The following SPTBN5 variants were observed in gnomAD, a reference collection of about 807,000 sequenced individuals.
SPTBN5 encodes spectrin beta, non-erythrocytic 5.
Under a neutral mutation model 477.6 loss-of-function variants are expected in SPTBN5, and 513 were observed. The ratio of observed to expected loss-of-function variants is 1.07; its 90% confidence interval spans 1.00 to 1.16. The LOEUF is 1.16. SPTBN5 is among the 50% of genes most tolerant of loss of function. The probability of loss-of-function intolerance (pLI) is 0.00; values close to 1 mark genes in which losing one functional copy is unlikely to be tolerated. For synonymous variants in SPTBN5, 2,169 were observed against 2,011.7 expected, an observed-to-expected ratio of 1.08 and a Z score of -2.09; for missense variants, 5,062 against 4,731.8, an observed-to-expected ratio of 1.07 and a Z score of -2.05.
At position 41,853,388 on chromosome 15, in the gene SPTBN5, G is replaced by A. The variant is rs112040796; in HGVS notation, c.10040C>T (p.Ala3347Val). 7,117 of 1,608,372 alleles carry A rather than the reference G, an allele frequency of 4.4e-3. 27 individuals are homozygous for A. Among genetic ancestry groups the A allele is most frequent in the Non-Finnish European group, 5.6e-3 (6,628 of 1,176,432 alleles). ...CTGCCCAAGGAGCTGCTCAGCCCCC[G>A]CCACGTCCTCAGCCAGCTCCTCGGA... Reference protein sequence around the residue: ...ASSEELAEDVAGAEQLLGQHE... With the variant: ...ASSEELAEDVVGAEQLLGQHE... The change falls in exon 59 of 68, where the codon GCG (alanine) becomes GTG (valine). Residue 3347 changes from alanine (A) to valine (V), a missense_variant. Transcript: ENST00000320955.
intron 49 of SPTBN5, 131 bp downstream of exon 49, chr15:41,858,471 C>T (rs898185896): frequency 2.5e-6 from 3 of 1,190,886 alleles, no homozygotes; most frequent in African/African-American, 3.1e-5. Context: ...ACCGCTTAGC[C>T]AGGTGCCTGC....
At chr15:41,867,824 C>T (rs1381973420) in intron 34 of SPTBN5, among the ~76,000 whole-genome samples, 182 bp from the exon 35 acceptor site, 2 of 152,228 alleles carry the variant, frequency 1.3e-5, no homozygotes, top group Non-Finnish European at 2.9e-5. Context: ...ACCTCTGCAC[C>T]ATGTGGGGAG....
In SPTBN5 at chr15:41,854,787, T is replaced by C. The variant is rs762571846; in HGVS notation, c.9613A>G (p.Thr3205Ala). Residue 3205 changes from threonine (T) to alanine (A), a missense_variant, in exon 56 of 68, where the codon ACA becomes GCA. Physicochemically the swap from Thr to Ala is moderately conservative, Grantham distance 58 (BLOSUM62 0). Transcript: ENST00000320955. The stretch of plus-strand genomic sequence containing the variant: ...CCCGGCCTGTGATCACCTACCTCTG[T>C]GCGGGCTTTTATTGCTTGGTCCAAC... ...ERLDQAIKAR[T>A]ENLAAAHEVH... The C allele has an allele frequency of 3.9e-6, 6 of 1,538,610 alleles. No individual in the cohort carries two copies. The highest frequency in any genetic ancestry group is 5.3e-6 in the Non-Finnish European group (6 of 1,141,814).
intron 12 of SPTBN5, 135 bp from the exon 13 acceptor site, chr15:41,881,369 C>G: frequency 1.4e-6 from 1 of 697,964 alleles, no homozygotes; most frequent in South Asian, 2.0e-5. Context: ...GGACATGGGT[C>G]TGGGGGACAG....
chr15:41,893,832 A>G, intron 1 of SPTBN5, 67 bp downstream of exon 1: 1 of 409,918 alleles, frequency 2.4e-6, no homozygotes, highest in Non-Finnish European at 4.5e-6. Context: ...TACCTTGGTG[A>G]TGCCTGGGTC....
rs1418230296 is a variant in SPTBN5 at position 41,852,620 on chromosome 15, G to A, written c.10449+14C>T. The A allele has an allele frequency of 8.7e-6, 14 of 1,612,516 alleles. No individual in the cohort carries two copies. The highest frequency in any genetic ancestry group is 2.2e-5 in the East Asian group (1 of 44,882). The stretch of plus-strand genomic sequence containing the variant: ...CCCCACCAGCCCTCAGCCCCTAGCC[G>A]AGGCAGTCGTCACCTCTGTCTTTTG... On this transcript the variant is annotated intron_variant, in intron 61 of 67. Transcript: ENST00000320955.
chr15:41,852,780 G>GA, intron 60 of SPTBN5, 44 bp downstream of exon 60: 1 of 1,472,618 alleles, frequency 6.8e-7, no homozygotes. Context: ...GGGGGGGGGG[G>GA]CCCAGAGCCT....
At chr15:41,882,530 C>T (rs1344205324) in intron 10 of SPTBN5, 55 bp downstream of exon 10, 2 of 1,584,898 alleles carry the variant, frequency 1.3e-6, no homozygotes, top group African/African-American at 1.3e-5. Context: ...GCCGGGGGCC[C>T]GAGAGGGAAG....
chr15:41,849,892 A>G lies in SPTBN5; in HGVS notation c.10989T>C (p.Asp3663=), dbSNP rs773148999. ...VSSLNECTTK[D]ARPGCLLRSD... ...ACCTGAGTAGACATCCAGGCCGGGC[A>G]TCCTTGGTCGTGCACTCATTCAGAG... Residue 3663 remains aspartate, a synonymous_variant, in exon 67 of 68, where the codon GAT becomes GAC. Coordinates refer to ENST00000320955, the MANE Select transcript of SPTBN5 (RefSeq NM_016642.4). 3.8e-6 allele frequency: 6 copies of G among 1,588,200 alleles called. No individual in the cohort carries two copies. Among genetic ancestry groups the G allele is most frequent in the African/African-American group, 1.3e-5 (1 of 74,442 alleles).
Position 41,867,527 on chromosome 15 carries a change from G to T in SPTBN5, c.6312+11C>A. 1 of 1,612,746 alleles carries T rather than the reference G, an allele frequency of 6.2e-7. No homozygotes were observed. ...CACTCTGACCACGCCCAGGCCTCCT[G>T]ACTCCATTACCTTCTTGTCCTGGGC... On this transcript the variant is annotated intron_variant, in intron 35 of 67. Transcript: ENST00000320955.
rs1171872264 is a variant in SPTBN5, at chr15:41,854,097, T to A, written c.9727A>T (p.Ser3243Cys). The A allele has an allele frequency of 3.8e-6, 6 of 1,583,102 alleles. No homozygotes were observed. The highest frequency in any genetic ancestry group is 4.3e-6 in the Non-Finnish European group (5 of 1,166,028). Residue 3243 changes from serine to cysteine, a missense_variant, in exon 57 of 68, where the codon AGC becomes TGC. By Grantham distance (112) the Ser-to-Cys change is moderately radical (BLOSUM62 -1). Transcript: ENST00000320955. ...ALMKGEDGGHSLSSVRTLQQQ... is the reference protein window; with the variant it reads ...ALMKGEDGGHCLSSVRTLQQQ... Reference sequence around the variant, plus strand: ...TGCAGGGTCCGCACAGATGACAGGCTGTGGCCTCCGTCCTCCCCCTTCATC... The same window carrying A: ...TGCAGGGTCCGCACAGATGACAGGCAGTGGCCTCCGTCCTCCCCCTTCATC...
At position 41,893,422 on chromosome 15, in the gene SPTBN5, G is replaced by A; in HGVS notation, c.76C>T (p.Leu26Phe). 6.2e-7 allele frequency: 1 copy of A among 1,613,014 alleles called. No individual in the cohort carries two copies. Among genetic ancestry groups the A allele is most frequent in the Non-Finnish European group, 8.5e-7 (1 of 1,179,802 alleles). The change falls in exon 2 of 68, where the codon CTC becomes TTC. Residue 26 changes from leucine to phenylalanine, a missense_variant. Transcript: ENST00000320955. The part of the protein sequence containing the change: ...GHRSRRPSTE[L>F]RVPPSPSLTM... ...AGACTTGGACTGGGCGGGACCCGGA[G>A]TTCTGTGCTGGGCCTCCTGCTGCGG...
At chr15:41,866,309 T>C (rs1567200768) in intron 37 of SPTBN5, 35 bp downstream of exon 37, 1 of 1,571,136 alleles carries the variant, frequency 6.4e-7, no homozygotes, top group East Asian at 2.3e-5. Flanking sequence ...GGCCACACTT[T>C]GGGGCAGGCA....
intron 16 of SPTBN5, among the ~76,000 whole-genome samples, chr15:41,878,894 C>T (rs990404245): frequency 1.3e-5 from 2 of 152,112 alleles, no homozygotes; most frequent in African/African-American, 2.4e-5. Context: ...GGTGAAACCC[C>T]GTCTCTACTA....
Position 41,868,434 on chromosome 15 carries a change from C to T in SPTBN5, c.6021G>A (p.Gln2007=). The T allele has an allele frequency of 6.2e-7, 1 of 1,608,166 alleles. No homozygotes were observed. The highest frequency in any genetic ancestry group is 1.1e-5 in the South Asian group (1 of 90,880). The change falls in exon 33 of 68, where the codon CAG becomes CAA. Residue 2007 remains glutamine (Q), a synonymous_variant. Coordinates refer to ENST00000320955, the MANE Select transcript of SPTBN5 (RefSeq NM_016642.4). The stretch of plus-strand genomic sequence containing the variant: ...GTGTCCCTGCAGCAAGAAGTGCCTG[C>T]TGCCCCAGCTGGGTGGCCTGCTGCC... ...KLWQQATQLG[Q]QALLAAGTPT... is the part of the protein sequence containing the mutation.
Position 41,868,104 on chromosome 15 carries a change from ACT to A in SPTBN5, c.6170_6171del (p.Glu2057ValfsTer53), listed in dbSNP as rs1567204048. 1.7e-5 allele frequency: 27 copies of A among 1,603,298 alleles called. No homozygotes were observed. Among genetic ancestry groups the A allele is most frequent in the Non-Finnish European group, 2.1e-5 (25 of 1,176,682 alleles). On this transcript the variant is annotated frameshift_variant, in exon 34 of 68. Coordinates refer to ENST00000320955, the MANE Select transcript of SPTBN5 (RefSeq NM_016642.4). LOFTEE classifies it high-confidence loss of function. Reference sequence around the variant, plus strand: ...GCGAGGATCTCCTCCAGGCGGCCGCACTCTCTGAGGAAGAGCTGCTCCTGCTG... The same window carrying A: ...GCGAGGATCTCCTCCAGGCGGCCGCACTCTGAGGAAGAGCTGCTCCTGCTG... ...AEQQEQLFLR[E>X]CGRLEEILAA...
Position 41,882,651 on chromosome 15 carries a change from C to A in SPTBN5, c.1980G>T (p.Gln660His). 1 of 1,607,842 alleles carries A rather than the reference C, an allele frequency of 6.2e-7. No individual in the cohort carries two copies. Among genetic ancestry groups the A allele is most frequent in the Non-Finnish European group, 8.5e-7 (1 of 1,177,752 alleles). ...GGCCCAGGGCCGCATTCCCCACCCGCTGTCCGCACTCCTTCAGCCAGGCTT... is the reference window on the plus strand; with the variant it reads ...GGCCCAGGGCCGCATTCCCCACCCGATGTCCGCACTCCTTCAGCCAGGCTT... ...EEEAWLKECG[Q>H]RVGNAALGRD... is the part of the protein sequence containing the mutation. Residue 660 changes from glutamine (Q) to histidine (H), a missense_variant, in exon 10 of 68, where the codon CAG (glutamine) becomes CAT (histidine). Gln to His is a conservative substitution (Grantham distance 24). Transcript: ENST00000320955.
chr15:41,855,497 T>C, intron 54 of SPTBN5, 52 bp downstream of exon 54: 2 of 1,594,170 alleles, frequency 1.3e-6, no homozygotes, highest in South Asian at 2.2e-5. Flanking sequence ...TCCTGCCATC[T>C]CTGTAGGGGG....
Position 41,853,572 on chromosome 15 carries a change from G to A in SPTBN5, c.9980+10C>T. ...TAGAGCTGAGCCGGCAGCTGAGGTA[G>A]GACACCTACAGCAGTTCCTGGCAGC... On this transcript the variant is annotated intron_variant, in intron 58 of 67. Coordinates refer to ENST00000320955, the MANE Select transcript of SPTBN5 (RefSeq NM_016642.4). The A allele has an allele frequency of 6.4e-7, 1 of 1,562,274 alleles. No individual in the cohort carries two copies.
Sources: gnomAD v4.1 joint callset for allele counts (sites outside exome capture counted in the v4.1 genomes callset) on GRCh38, gnomAD v4.1.1 for gene constraint, MANE v1.5 for transcripts, NCBI Gene and HGNC (gene_info 2026-07-23, HGNC 2026-07-21) for gene names.